Variants in ARHGEF17 observed in about 807,000 individuals in gnomAD.
ARHGEF17 encodes Rho guanine nucleotide exchange factor 17.
A neutral mutation model predicts 174.0 loss-of-function variants in ARHGEF17; 80 were observed. The observed-to-expected ratio is 0.46, with a 90% confidence interval of 0.38 to 0.55. ARHGEF17 has a LOEUF of 0.55. Among genes scored for constraint, ARHGEF17 ranks in the 20% least tolerant of loss-of-function variants. The pLI, the probability that ARHGEF17 is intolerant of heterozygous loss-of-function variation, is 0.00. For missense variants in ARHGEF17, 2,886 were observed against 2,839.7 expected, an observed-to-expected ratio of 1.02 and a Z score of -0.37; for synonymous variants, 1,311 against 1,189.1, an observed-to-expected ratio of 1.10 and a Z score of -2.11.
chr11:73,310,405 C>T lies in ARHGEF17; in HGVS notation c.1767C>T (p.Asp589=). The T allele has an allele frequency of 6.2e-7, 1 of 1,614,000 alleles. No individual in the cohort carries two copies. The highest frequency in any genetic ancestry group is 8.5e-7 in the Non-Finnish European group (1 of 1,180,028). ...EEDPLPLIVQ[D]QYVQEARQVF... The stretch of plus-strand genomic sequence containing the variant: ...ATCCGCTGCCCCTCATCGTCCAGGA[C>T]CAATATGTGCAGGAGGCCCGCCAGG... The change falls in exon 1 of 21, where the codon GAC becomes GAT. Residue 589 remains aspartate (D), a synonymous_variant. Transcript: ENST00000263674.
In ARHGEF17 at chr11:73,362,085, C is replaced by T. The variant is rs1565209261; in HGVS notation, c.4540C>T (p.Pro1514Ser). Residue 1514 changes from proline to serine, a missense_variant, in exon 13 of 21, where the codon CCT becomes TCT. Coordinates refer to ENST00000263674, the MANE Select transcript of ARHGEF17 (RefSeq NM_014786.4). ...PTLNSCPEPSPEVWVCNSDGY... is the reference protein window; with the variant it reads ...PTLNSCPEPSSEVWVCNSDGY... ...CCTGAACAGCTGCCCGGAGCCCTCG[C>T]CTGAGGTATGGGTCTGCAACAGCGA... The T allele has an allele frequency of 6.2e-7, 1 of 1,612,862 alleles. No individual in the cohort carries two copies. Among genetic ancestry groups the T allele is most frequent in the Non-Finnish European group, 8.5e-7 (1 of 1,179,928 alleles).
In ARHGEF17 at chr11:73,310,103, A is replaced by C; in HGVS notation, c.1465A>C (p.Lys489Gln). ...RSDLSELRVR[K>Q]PGGSSGDRGS... is the part of the protein sequence containing the mutation. Reference sequence around the variant, plus strand: ...AGACCTTTCAGAGCTGAGGGTCCGAAAACCTGGTGGGAGCTCCGGGGACCG... The same window carrying C: ...AGACCTTTCAGAGCTGAGGGTCCGACAACCTGGTGGGAGCTCCGGGGACCG... The change falls in exon 1 of 21, where the codon AAA becomes CAA. Residue 489 changes from lysine to glutamine, a missense_variant. Lys to Gln is a moderately conservative substitution (Grantham distance 53). Transcript: ENST00000263674. 6.2e-7 allele frequency: 1 copy of C among 1,614,106 alleles called. No homozygotes were observed. The highest frequency in any genetic ancestry group is 8.5e-7 in the Non-Finnish European group (1 of 1,180,018).
At chr11:73,360,865 TTAGAAGATCCA>T (rs934602470) in intron 11 of ARHGEF17, among the ~76,000 whole-genome samples, 4 of 152,138 alleles carry the variant, frequency 2.6e-5, no homozygotes, top group African/African-American at 9.7e-5. Context: ...GGTTCATGGC[TTAGAAGATCCA>T]CAGAGACCTC....
At chr11:73,359,735 C>A in intron 9 of ARHGEF17, 99 bp from the exon 10 acceptor site, 1 of 1,055,108 alleles carries the variant, frequency 9.5e-7, no homozygotes, top group Non-Finnish European at 1.3e-6. Flanking sequence ...GGTCTCTCCC[C>A]GGCCCAGCTG....
In ARHGEF17 at chr11:73,363,268, G is replaced by C; in HGVS notation, c.5059G>C (p.Glu1687Gln). Residue 1687 changes from glutamate (E) to glutamine (Q), a missense_variant, in exon 15 of 21, where the codon GAG becomes CAG. Around this residue, in one of 4 missense-constraint regions of ARHGEF17, gnomAD observed 476 missense variants for 473.1 expected, o/e 1.01. Transcript: ENST00000263674. ...GACCACCAGCTCAGAGGAGGAGCAG[G>C]AGCCAGGCTTCCTGCCACTGTCTGG... ...AETTSSEEEQ[E>Q]PGFLPLSGSF... 1 of 1,610,226 alleles carries C rather than the reference G, an allele frequency of 6.2e-7. No individual in the cohort carries two copies. Among genetic ancestry groups the C allele is most frequent in the Non-Finnish European group, 8.5e-7 (1 of 1,177,936 alleles).
intron 20 of ARHGEF17, among the ~76,000 whole-genome samples, 189 bp downstream of exon 20, chr11:73,366,136 TGTGTGC>T (rs1001070111): frequency 3.3e-5 from 5 of 152,090 alleles, no homozygotes; most frequent in African/African-American, 1.2e-4. Flanking sequence ...TGTGTGTGTG[TGTGTGC>T]GCACCTGCAT....
Position 73,356,231 on chromosome 11 carries a change from G to A in ARHGEF17, c.3720G>A (p.Ala1240=), listed in dbSNP as rs151080372. 2.7e-4 allele frequency: 429 copies of A among 1,613,928 alleles called. 1 individual carries two copies. The African/African-American group carries it at 3.5e-3, about 13-fold the overall frequency. Residue 1240 remains alanine, a synonymous_variant, in exon 6 of 21, where the codon GCG becomes GCA. Transcript: ENST00000263674. ...DHPDHPLLLE[A]QRNIKQVAER... is the part of the protein sequence containing the mutation. The stretch of plus-strand genomic sequence containing the variant: ...CGGACCATCCACTCCTGCTGGAGGC[G>A]CAGCGGAACATCAAGCAGGTGGCTG...
chr11:73,330,642 A>G (rs568713149), intron 1 of ARHGEF17, among the ~76,000 whole-genome samples: 1 of 152,290 alleles, frequency 6.6e-6, no homozygotes, highest in East Asian at 1.9e-4. Context: ...TGGGCCCTGG[A>G]AGGTGGCATA....
At chr11:73,359,076 G>A (rs982760420) in intron 9 of ARHGEF17, among the ~76,000 whole-genome samples, 1 of 152,218 alleles carries the variant, frequency 6.6e-6, no homozygotes, top group African/African-American at 2.4e-5. Flanking sequence ...TGTCTCTAGT[G>A]CTGTCATGAC....
chr11:73,351,684 C>G (rs1865556927), intron 2 of ARHGEF17, among the ~76,000 whole-genome samples: 1 of 152,080 alleles, frequency 6.6e-6, no homozygotes, highest in East Asian at 1.9e-4. Context: ...CAGGTTCAAG[C>G]AATTCTTCTG....
At chr11:73,352,451 G>C (rs1324202784) in intron 2 of ARHGEF17, among the ~76,000 whole-genome samples, 1 of 152,162 alleles carries the variant, frequency 6.6e-6, no homozygotes. Flanking sequence ...ATACATTGCT[G>C]TCTCCCAATT....
At chr11:73,339,925 T>C (rs1228277809) in intron 1 of ARHGEF17, among the ~76,000 whole-genome samples, 1 of 152,158 alleles carries the variant, frequency 6.6e-6, no homozygotes. Context: ...CCAAGCACCC[T>C]GTATACTTAC....
intron 18 of ARHGEF17, 78 bp downstream of exon 18, chr11:73,364,678 A>G: frequency 6.6e-7 from 1 of 1,525,262 alleles, no homozygotes; most frequent in East Asian, 2.3e-5. Flanking sequence ...AGACCATGGT[A>G]GGGGCATAAG....
chr11:73,313,384 C>A (rs540917690), intron 1 of ARHGEF17, among the ~76,000 whole-genome samples: 1 of 152,286 alleles, frequency 6.6e-6, no homozygotes, highest in East Asian at 1.9e-4. Context: ...TCCCATATAT[C>A]TTTTCTGGGA....
Position 73,365,821 on chromosome 11 carries a change from C to A in ARHGEF17, c.5869C>A (p.Arg1957=), listed in dbSNP as rs1163503952. 1 of 1,613,398 alleles carries A rather than the reference C, an allele frequency of 6.2e-7. No homozygotes were observed. The highest frequency in any genetic ancestry group is 2.2e-5 in the East Asian group (1 of 44,890). ...TTCGCCCGGTACTGTCAGCTGCCCA[C>A]GGGCACCACTCAGTCCCACAGGCCT... is the stretch of plus-strand genomic sequence containing the variant. ...PTSPGTVSCP[R]APLSPTGLGQ... The change falls in exon 20 of 21, where the codon CGG becomes AGG. Residue 1957 remains arginine, a synonymous_variant. Transcript: ENST00000263674. The surrounding 1 kb of genome is among the most constrained non-coding windows in gnomAD (Gnocchi z 4.9).
intron 2 of ARHGEF17, among the ~76,000 whole-genome samples, chr11:73,351,156 G>A (rs1023664925): frequency 6.6e-6 from 1 of 152,194 alleles, no homozygotes; most frequent in Non-Finnish European, 1.5e-5. Flanking sequence ...GAGACTGCCT[G>A]CCTATCTCCT....
Position 73,355,924 on chromosome 11 carries a change from C to T in ARHGEF17, c.3634C>T (p.Arg1212Trp), listed in dbSNP as rs1865629871. ...TGACCTCATGATCAAGCCTGTGCAG[C>T]GGATCCCACGCTACGAGCTTCTGGT... ...LSDLMIKPVQ[R>W]IPRYELLVKD... The change falls in exon 5 of 21, where the codon CGG becomes TGG. Residue 1212 changes from arginine (R) to tryptophan (W), a missense_variant. Coordinates refer to ENST00000263674, the MANE Select transcript of ARHGEF17 (RefSeq NM_014786.4). The T allele has an allele frequency of 6.2e-7, 1 of 1,614,170 alleles. No homozygotes were observed. Among genetic ancestry groups the T allele is most frequent in the Non-Finnish European group, 8.5e-7 (1 of 1,180,030 alleles).
intron 1 of ARHGEF17, among the ~76,000 whole-genome samples, chr11:73,345,771 G>A (rs1451375548): frequency 6.6e-6 from 1 of 152,218 alleles, no homozygotes; most frequent in African/African-American, 2.4e-5. Context: ...GACCTGGGAG[G>A]GGAGGGGAGA....
intron 2 of ARHGEF17, 56 bp downstream of exon 2, chr11:73,347,016 C>A: frequency 6.6e-7 from 1 of 1,516,042 alleles, no homozygotes; most frequent in Non-Finnish European, 9.0e-7. Flanking sequence ...AGGAGGCTGT[C>A]AGATGGGTGT....
Sources: gnomAD v4.1 joint callset for allele counts (sites outside exome capture counted in the v4.1 genomes callset) on GRCh38, gnomAD v4.1.1 for gene constraint, gnomAD v4.1.1 regional missense constraint, Gnocchi (gnomAD v3.1) non-coding constraint, MANE v1.5 for transcripts, NCBI Gene and HGNC (gene_info 2026-07-23, HGNC 2026-07-21) for gene names.